The following KIFAP3 variants were observed in gnomAD, a reference collection of about 807,000 sequenced individuals.
The protein encoded by KIFAP3 is kinesin-associated protein 3.
A neutral mutation model predicts 106.5 loss-of-function variants in KIFAP3; 68 were observed. The observed-to-expected ratio is 0.64, with a 90% CI of 0.53 to 0.78. KIFAP3 has a LOEUF of 0.78. Ranked by LOEUF, KIFAP3 falls within the 30% of genes least tolerant of loss-of-function variation. The pLI is 0.00. For synonymous variants in KIFAP3, 320 were observed against 311.5 expected (o/e 1.03, Z -0.29); for missense variants, 780 against 941.8 (o/e 0.83, Z 2.25).
chr1:169,997,539 G>A (rs1018933612), intron 10 of KIFAP3, among the ~76,000 whole-genome samples: 7 of 151,902 alleles, frequency 4.6e-5, no homozygotes, highest in Admixed American at 6.6e-5. Context: ...GCCTATGGCC[G>A]AGCCACTTAC....
intron 19 of KIFAP3, among the ~76,000 whole-genome samples, chr1:169,931,389 T>C (rs1335352256): frequency 6.6e-6 from 1 of 152,206 alleles, no homozygotes; most frequent in Non-Finnish European, 1.5e-5. Context: ...AAAAATGCTC[T>C]AATAGGTACC....
At chr1:169,931,812 T>A (rs1053280380) in intron 19 of KIFAP3, among the ~76,000 whole-genome samples, 7 of 152,222 alleles carry the variant, frequency 4.6e-5, no homozygotes, top group African/African-American at 1.7e-4. Flanking sequence ...AGCGACAGTT[T>A]AACTATACTG....
rs767268093 is a variant in KIFAP3, at chr1:169,981,997, G to T, written c.1773C>A (p.Ile591=). ...CATTTAGCAATTCAATGAGTGCAGGGATTATGCCAGATTTGGCTAGCAATG... is the reference window on the plus strand; with the variant it reads ...CATTTAGCAATTCAATGAGTGCAGGTATTATGCCAGATTTGGCTAGCAATG... ...CAALLAKSGI[I]PALIELLNAQ... is the part of the protein sequence containing the mutation. Residue 591 remains isoleucine, a synonymous_variant, in exon 15 of 20, where the codon ATC becomes ATA. Transcript: ENST00000361580. 3.1e-6 allele frequency: 5 copies of T among 1,613,202 alleles called. No homozygotes were observed. Among genetic ancestry groups the T allele is most frequent in the Non-Finnish European group, 4.2e-6 (5 of 1,179,304 alleles).
intron 11 of KIFAP3, among the ~76,000 whole-genome samples, chr1:169,986,680 CTAAT>C (rs1356414586): frequency 2.0e-5 from 3 of 151,942 alleles, no homozygotes; most frequent in Non-Finnish European, 4.4e-5. Flanking sequence ...TGACAATCCT[CTAAT>C]TAATTGCTAT....
chr1:169,954,547 AG>A (rs1351726159), intron 18 of KIFAP3, among the ~76,000 whole-genome samples: 2 of 152,214 alleles, frequency 1.3e-5, no homozygotes, highest in Non-Finnish European at 2.9e-5. Flanking sequence ...TGTATTTCAC[AG>A]CTTTATTAGT....
At chr1:169,923,881 A>C (rs925774508) in intron 19 of KIFAP3, among the ~76,000 whole-genome samples, 1 of 152,216 alleles carries the variant, frequency 6.6e-6, no homozygotes, top group Non-Finnish European at 1.5e-5. Flanking sequence ...GTAAGCTATA[A>C]CACCATAAGG....
intron 1 of KIFAP3, among the ~76,000 whole-genome samples, chr1:170,064,316 A>T (rs979278305): frequency 4.6e-5 from 7 of 152,122 alleles, no homozygotes; most frequent in African/African-American, 1.4e-4. Context: ...ATCATCCTTA[A>T]TGTTAAGGGA....
At chr1:169,993,300 C>T (rs1016036935) in intron 10 of KIFAP3, among the ~76,000 whole-genome samples, 32 of 150,794 alleles carry the variant, frequency 2.1e-4, no homozygotes, top group African/African-American at 7.1e-4. Context: ...TTAGTAGAGA[C>T]AGGGTTTCAC....
In KIFAP3 at chr1:169,992,152, T is replaced by C; in HGVS notation, c.1284+3A>G. The C allele has an allele frequency of 7.1e-7, 1 of 1,416,548 alleles. No individual in the cohort carries two copies. The highest frequency in any genetic ancestry group is 9.5e-7 in the Non-Finnish European group (1 of 1,055,102). 87.7% of individuals were successfully genotyped at this position (1,416,548 alleles called of 1,614,324 possible). ...TTTTTCATAAAACACTTAAACCACT[T>C]ACCTGTGGTATACAGTCAGTGTATG... On this transcript the variant is annotated splice_donor_region_variant and intron_variant, in intron 11 of 19. Transcript: ENST00000361580.
upstream of KIFAP3, among the ~76,000 whole-genome samples, chr1:170,078,098 A>G (rs1303005118): frequency 6.6e-6 from 1 of 152,206 alleles, no homozygotes; most frequent in Non-Finnish European, 1.5e-5. Context: ...TGGTAAATAT[A>G]TGAATGACTG....
At chr1:169,997,483 C>A (rs566912717) in intron 10 of KIFAP3, among the ~76,000 whole-genome samples, 37 of 151,966 alleles carry the variant, frequency 2.4e-4, no homozygotes, top group Admixed American at 8.5e-4. Flanking sequence ...GAGAGGCAGC[C>A]GAGATTTCTG....
rs10690029 is a variant in KIFAP3 at position 169,928,699 on chromosome 1, C to CAAAAAAAAAAAAAAAAAAAAA, written c.2274-6939_2274-6919dup. Among the ~76,000 whole-genome samples the CAAAAAAAAAAAAAAAAAAAAA allele has an allele frequency of 8.2e-3, 308 of 37,768 alleles. 33 individuals are homozygous for CAAAAAAAAAAAAAAAAAAAAA. Among genetic ancestry groups the CAAAAAAAAAAAAAAAAAAAAA allele is most frequent in the Admixed American group, 0.011 (22 of 2,074 alleles). The allele number at this position is 37,768 out of a possible 152,430, so 24.8% of individuals were successfully genotyped here. Reference sequence around the variant, plus strand: ...AACAGAGTGAGTGAGACCCTGTCTCCAAAAAAAAAAAAAAAAAAAAAATTA... The same window carrying CAAAAAAAAAAAAAAAAAAAAA: ...AACAGAGTGAGTGAGACCCTGTCTCCAAAAAAAAAAAAAAAAAAAAAAAAAAAAAAAAAAAAAAAAAAATTA... On this transcript the variant is annotated intron_variant, in intron 19 of 19. Transcript: ENST00000361580.
chr1:170,003,724 C>T (rs1195055539), intron 10 of KIFAP3, among the ~76,000 whole-genome samples: 1 of 152,188 alleles, frequency 6.6e-6, no homozygotes, highest in African/African-American at 2.4e-5. Flanking sequence ...ATAATAAGAG[C>T]TATCTATGAC....
rs755066352 is a variant in KIFAP3, at chr1:170,046,746, A to C, written c.285T>G (p.Tyr95Ter). Residue 95 changes from tyrosine (Y) to a stop codon, truncating the protein, a stop_gained, in exon 3 of 20, where the codon TAT (tyrosine) becomes TAG (stop). Coordinates refer to ENST00000361580, the MANE Select transcript of KIFAP3 (RefSeq NM_014970.4). LOFTEE classifies it high-confidence loss of function. ...KLNEVEQLLY[Y>*]LQNRRDSLSG... is the part of the protein sequence containing the mutation. Reference sequence around the variant, plus strand: ...ACAATGAATCACGGCGGTTCTGTAGATAGTACAACAGCTGTTCTACCTCAT... The same window carrying C: ...ACAATGAATCACGGCGGTTCTGTAGCTAGTACAACAGCTGTTCTACCTCAT... 11 of 1,596,230 alleles carry C rather than the reference A, an allele frequency of 6.9e-6. No homozygotes were observed. The highest frequency in any genetic ancestry group is 8.5e-6 in the Non-Finnish European group (10 of 1,171,192).
intron 3 of KIFAP3, among the ~76,000 whole-genome samples, chr1:170,044,806 G>T (rs867434164): frequency 6.6e-6 from 1 of 152,188 alleles, no homozygotes; most frequent in Non-Finnish European, 1.5e-5. Flanking sequence ...ACAAAGAGCT[G>T]CCTGGTTTAT....
chr1:169,993,631 G>A (rs1468369814), intron 10 of KIFAP3, among the ~76,000 whole-genome samples: 4 of 28 alleles, frequency 0.14, 2 homozygotes, highest in East Asian at 1. Flanking sequence ...TCAGGCAGGT[G>A]ATTTGCTTGT....
intron 9 of KIFAP3, among the ~76,000 whole-genome samples, chr1:170,017,764 T>C (rs1668599663): frequency 6.6e-6 from 1 of 152,198 alleles, no homozygotes; most frequent in Admixed American, 6.5e-5. Context: ...AAACACCAAC[T>C]TGTAAAAGGC....
At chr1:170,075,088 T>C (rs1002823949), upstream of KIFAP3, among the ~76,000 whole-genome samples, 7 of 152,174 alleles carry the variant, frequency 4.6e-5, no homozygotes, top group African/African-American at 1.7e-4. Context: ...GTCACTTTGA[T>C]GTCTTAAATC....
chr1:169,975,418 G>A (rs1428553040), intron 16 of KIFAP3, among the ~76,000 whole-genome samples: 1 of 151,880 alleles, frequency 6.6e-6, no homozygotes, highest in Admixed American at 6.6e-5. Context: ...ATAAAATATT[G>A]CCTAATAGAT....
Sources: allele counts gnomAD v4.1 joint callset (sites outside exome capture counted in the v4.1 genomes callset), GRCh38; gene constraint gnomAD v4.1.1; transcripts MANE v1.5; gene names NCBI Gene and HGNC (gene_info 2026-07-23, HGNC 2026-07-21).